The following LEPR variants were observed in gnomAD, a reference collection of about 807,000 sequenced individuals.
LEPR encodes the protein OB receptor.
In LEPR, 56 loss-of-function variants were observed where a neutral mutation model predicts 114.7. That is an observed-to-expected ratio of 0.49 (90% CI 0.39 to 0.61). LEPR has a LOEUF of 0.61. Among genes scored for constraint, LEPR ranks in the 20% least tolerant of loss-of-function variants. LEPR has a pLI of 0.00. For missense variants in LEPR, 1,202 were observed against 1,352.9 expected (o/e 0.89, Z 1.75); for synonymous variants, 443 against 461.4 (o/e 0.96, Z 0.51).
chr1:65,558,647 C>T (rs1477852382), intron 2 of LEPR, among the ~76,000 whole-genome samples: 2 of 72,390 alleles, frequency 2.8e-5, no homozygotes, highest in African/African-American at 1.2e-4. Context: ...GCGCTGCACC[C>T]ACTAACTTGT....
chr1:65,496,291 G>T (rs1648152194), intron 2 of LEPR, among the ~76,000 whole-genome samples: 1 of 151,944 alleles, frequency 6.6e-6, no homozygotes, highest in South Asian at 2.1e-4. Context: ...TTTATTTTAG[G>T]GCCAGGTATG....
rs759764704 is a variant in LEPR at position 65,572,376 on chromosome 1, A to T, written c.421A>T (p.Ile141Phe). The change falls in exon 5 of 20, where the codon ATC (isoleucine) becomes TTC (phenylalanine). Residue 141 changes from isoleucine to phenylalanine, a missense_variant. Coordinates refer to ENST00000349533, the MANE Select transcript of LEPR (RefSeq NM_002303.6). ...GCTAAAAGGAGACTTAAAATTATTC[A>T]TCTGTTATGTGGAGTCATTATTTAA... ...CWLKGDLKLF[I>F]CYVESLFKNL... 1 of 1,590,762 alleles carries T rather than the reference A, an allele frequency of 6.3e-7. No individual in the cohort carries two copies. The highest frequency in any genetic ancestry group is 1.1e-5 in the South Asian group (1 of 89,134).
intron 2 of LEPR, among the ~76,000 whole-genome samples, chr1:65,527,437 A>C (rs1045672921): frequency 6.6e-6 from 1 of 152,212 alleles, no homozygotes; most frequent in Non-Finnish European, 1.5e-5. Context: ...AGTGTACTTC[A>C]TACTTTCTTT....
At chr1:65,525,974 G>C (rs1455679055) in intron 2 of LEPR, 15 of 771,152 alleles carry the variant, frequency 1.9e-5, no homozygotes, top group Non-Finnish European at 2.2e-5. Context: ...ACCACCAGAG[G>C]GGCCAGCGCC....
intron 5 of LEPR, among the ~76,000 whole-genome samples, chr1:65,582,286 G>A (rs1211902462): frequency 6.6e-6 from 1 of 152,166 alleles, no homozygotes; most frequent in Non-Finnish European, 1.5e-5. Flanking sequence ...ATCTGCTTCA[G>A]GGTCTCTTAC....
chr1:65,590,948 T>A (rs1374449764), intron 5 of LEPR, among the ~76,000 whole-genome samples: 1 of 152,060 alleles, frequency 6.6e-6, no homozygotes, highest in Non-Finnish European at 1.5e-5. Flanking sequence ...CTTTTCTTTT[T>A]TTCTCATATA....
chr1:65,593,694 A>T (rs1655859040), intron 6 of LEPR, among the ~76,000 whole-genome samples: 1 of 152,084 alleles, frequency 6.6e-6, no homozygotes, highest in South Asian at 2.1e-4. Flanking sequence ...GAGATATAGC[A>T]CTTTTTGAAA....
chr1:65,467,576 G>T (rs1263403575), intron 2 of LEPR, among the ~76,000 whole-genome samples: 1 of 152,194 alleles, frequency 6.6e-6, no homozygotes, highest in Non-Finnish European at 1.5e-5. Context: ...AGAGCTGTCA[G>T]ATAGGGACGT....
intron 5 of LEPR, among the ~76,000 whole-genome samples, chr1:65,584,794 G>A (rs10789186): frequency 0.52 from 78,493 of 151,850 alleles, 20,976 homozygotes; most frequent in East Asian, 0.89. Flanking sequence ...TATTAACTTG[G>A]TAGACATTAA....
chr1:65,466,852 T>C (rs1009020154), intron 2 of LEPR, among the ~76,000 whole-genome samples: 4 of 152,220 alleles, frequency 2.6e-5, no homozygotes, highest in African/African-American at 9.6e-5. Flanking sequence ...CACGAAGTTC[T>C]TGTGCCATGG....
At chr1:65,599,470 G>T (rs1656300164) in intron 8 of LEPR, among the ~76,000 whole-genome samples, 1 of 152,262 alleles carries the variant, frequency 6.6e-6, no homozygotes, top group African/African-American at 2.4e-5. Context: ...GGCCTGTACA[G>T]AGATAACAGG....
chr1:65,600,381 AC>A (rs1451123637), intron 8 of LEPR, among the ~76,000 whole-genome samples: 23 of 152,288 alleles, frequency 1.5e-4, no homozygotes, highest in South Asian at 4.1e-4. Context: ...CATACAAAAC[AC>A]AAATGTTTTG....
At chr1:65,548,114 G>A (rs1317964966) in intron 2 of LEPR, among the ~76,000 whole-genome samples, 2 of 152,156 alleles carry the variant, frequency 1.3e-5, no homozygotes, top group Non-Finnish European at 2.9e-5. Context: ...GTAGTTGAGT[G>A]TCTTTGAGAG....
intron 2 of LEPR, among the ~76,000 whole-genome samples, chr1:65,483,873 T>G (rs1647341434): frequency 6.6e-6 from 1 of 152,122 alleles, no homozygotes; most frequent in South Asian, 2.1e-4. Context: ...CACTATCTTC[T>G]TCCTTGTTTT....
intron 19 of LEPR, 88 bp downstream of exon 19, chr1:65,623,069 A>G (rs1274293551): frequency 8.0e-7 from 1 of 1,249,112 alleles, no homozygotes; most frequent in African/African-American, 1.5e-5. Context: ...CATTTTTAAG[A>G]TTTAAAAGGT....
intron 2 of LEPR, chr1:65,432,079 G>C: frequency 7.5e-7 from 1 of 1,336,858 alleles, no homozygotes; most frequent in Non-Finnish European, 9.6e-7. Flanking sequence ...TAGGAGATGA[G>C]TTTTATTCTC....
chr1:65,507,602 A>T (rs1295416013), intron 2 of LEPR, among the ~76,000 whole-genome samples: 1 of 150,866 alleles, frequency 6.6e-6, no homozygotes, highest in Non-Finnish European at 1.5e-5. Flanking sequence ...ATGAACACTT[A>T]GGTTGTTTCC....
At position 65,445,787 on chromosome 1, in the gene LEPR, A is replaced by ATTCTTCT. The variant is rs758247561; in HGVS notation, c.-21+20409_-21+20410insTTCTTCT. Reference sequence around the variant, plus strand: ...ACTTAAGAAATTTCAACTAATATAGAAGACTTAATCAATTCTCAATTACAT... The same window carrying ATTCTTCT: ...ACTTAAGAAATTTCAACTAATATAGATTCTTCTAGACTTAATCAATTCTCAATTACAT... On this transcript the variant is annotated intron_variant, in intron 2 of 19. Coordinates refer to ENST00000349533, the MANE Select transcript of LEPR (RefSeq NM_002303.6). Among the ~76,000 whole-genome samples the ATTCTTCT allele has an allele frequency of 2.7e-3, 414 of 152,294 alleles. 2 individuals are homozygous for ATTCTTCT. Among genetic ancestry groups the ATTCTTCT allele is most frequent in the Middle Eastern group, 0.024 (7 of 294 alleles).
At chr1:65,619,126 AT>A (rs1657717368) in intron 16 of LEPR, among the ~76,000 whole-genome samples, 1 of 152,194 alleles carries the variant, frequency 6.6e-6, no homozygotes, top group South Asian at 2.1e-4. Flanking sequence ...ATACAATATC[AT>A]TCTAAGGACT....
Sources: gnomAD v4.1 joint callset for allele counts (sites outside exome capture counted in the v4.1 genomes callset) on GRCh38, gnomAD v4.1.1 for gene constraint, MANE v1.5 for transcripts, NCBI Gene and HGNC (gene_info 2026-07-23, HGNC 2026-07-21) for gene names.